The following RBFOX1 variants were observed in gnomAD, a reference collection of about 807,000 sequenced individuals.
RBFOX1 encodes the protein RNA binding protein fox-1 homolog 1.
A neutral mutation model predicts 57.7 loss-of-function variants in RBFOX1; 8 were observed. The ratio of observed to expected loss-of-function variants is 0.14; its 90% confidence interval spans 0.08 to 0.25. The LOEUF (loss-of-function observed/expected upper bound fraction) is 0.25, where lower values mean the gene tolerates loss of function less well. Ranked by LOEUF, RBFOX1 falls within the 10% of genes least tolerant of loss-of-function variation. The pLI is 1.00. For missense variants in RBFOX1, 611 were observed against 548.5 expected (o/e 1.11, Z -1.14); for synonymous variants, 326 against 222.4 (o/e 1.47, Z -4.15).
chr16:5,243,603 C>G (rs2151062557), intron 1 of RBFOX1, among the ~76,000 whole-genome samples: 1 of 152,274 alleles, frequency 6.6e-6, no homozygotes, highest in African/African-American at 2.4e-5. Context: ...CCCCAGATGT[C>G]TCCAGACGGT....
intron 3 of RBFOX1, among the ~76,000 whole-genome samples, chr16:6,810,261 C>T (rs1357052341): frequency 6.6e-6 from 1 of 152,086 alleles, no homozygotes; most frequent in Non-Finnish European, 1.5e-5. Context: ...CTTTTTACCA[C>T]ATTTTGTGAT....
chr16:6,803,358 C>A (rs376297323), intron 3 of RBFOX1, among the ~76,000 whole-genome samples: 2 of 152,102 alleles, frequency 1.3e-5, no homozygotes, highest in Non-Finnish European at 2.9e-5. Context: ...TGCCTCCAGC[C>A]GTACAGAGAA....
intron 1 of RBFOX1, among the ~76,000 whole-genome samples, chr16:5,253,753 C>G (rs2062515354): frequency 6.6e-6 from 1 of 152,232 alleles, no homozygotes; most frequent in Non-Finnish European, 1.5e-5. Context: ...TTCATTTGCT[C>G]TCTCTGGCCT....
intron 1 of RBFOX1, among the ~76,000 whole-genome samples, chr16:5,459,977 A>G (rs906090575): frequency 1.3e-5 from 2 of 152,176 alleles, no homozygotes; most frequent in African/African-American, 4.8e-5. Context: ...CTGCAAAGAC[A>G]TTCCATGGCC....
intron 1 of RBFOX1, among the ~76,000 whole-genome samples, chr16:5,305,956 C>T (rs1032668830): frequency 3.9e-5 from 6 of 152,094 alleles, no homozygotes; most frequent in Non-Finnish European, 7.3e-5. Context: ...CTCAGGAGGC[C>T]GGAGGCAGCA....
chr16:7,562,098 G>A (rs1489338523), intron 5 of RBFOX1, among the ~76,000 whole-genome samples: 1 of 152,206 alleles, frequency 6.6e-6, no homozygotes, highest in Non-Finnish European at 1.5e-5. Flanking sequence ...CTAAGCTAGA[G>A]AACAATGCAG....
chr16:6,904,838 A>G (rs1873119335), intron 3 of RBFOX1, among the ~76,000 whole-genome samples: 1 of 152,080 alleles, frequency 6.6e-6, no homozygotes, highest in African/African-American at 2.4e-5. Flanking sequence ...TTGTTAGAGA[A>G]GAATTGTTTT....
intron 4 of RBFOX1, among the ~76,000 whole-genome samples, chr16:7,185,746 G>T (rs2083596273): frequency 6.6e-6 from 1 of 152,178 alleles, no homozygotes; most frequent in South Asian, 2.1e-4. Context: ...TAAATGTCGA[G>T]ATATTGAATT....
At chr16:7,700,987 T>C (rs1003256198) in intron 14 of RBFOX1, among the ~76,000 whole-genome samples, 1 of 151,680 alleles carries the variant, frequency 6.6e-6, no homozygotes, top group African/African-American at 2.4e-5. Flanking sequence ...CAGGTATCCA[T>C]GGGCAAAAAA....
intron 4 of RBFOX1, among the ~76,000 whole-genome samples, chr16:7,075,259 G>C (rs138173726): frequency 0.01 from 1,544 of 152,290 alleles, 29 homozygotes; most frequent in African/African-American, 0.035. Context: ...GCTCAGTGAT[G>C]ATCAAACCGT....
At chr16:5,979,245 AT>A (rs559096355) in intron 4 of RBFOX1, among the ~76,000 whole-genome samples, 1 of 151,952 alleles carries the variant, frequency 6.6e-6, no homozygotes, top group South Asian at 2.1e-4. Flanking sequence ...GGAATGGAGG[AT>A]TTTTTCTTGA....
chr16:5,351,113 T>G (rs1275553777), intron 1 of RBFOX1, among the ~76,000 whole-genome samples: 2 of 152,330 alleles, frequency 1.3e-5, no homozygotes, highest in Admixed American at 6.5e-5. Context: ...TTGTTAAGGA[T>G]GTGTCTCCCA....
intron 2 of RBFOX1, among the ~76,000 whole-genome samples, chr16:5,484,060 A>C (rs1171368168): frequency 1.3e-5 from 2 of 152,214 alleles, no homozygotes; most frequent in African/African-American, 4.8e-5. Flanking sequence ...AGTCCCAACT[A>C]CTCAGGAAGC....
chr16:5,647,703 A>G (rs1457059631), intron 3 of RBFOX1, among the ~76,000 whole-genome samples: 1 of 152,216 alleles, frequency 6.6e-6, no homozygotes, highest in Admixed American at 6.5e-5. Context: ...CTTAACAATA[A>G]GAACCTGCAA....
intron 3 of RBFOX1, among the ~76,000 whole-genome samples, chr16:6,775,329 C>CAAAAA (rs371277644): frequency 1.3e-4 from 9 of 67,328 alleles, no homozygotes; most frequent in African/African-American, 4.6e-4. Flanking sequence ...GACTCTGTCT[C>CAAAAA]AAAAAAAAAA....
chr16:7,075,877 G>C (rs532253814), intron 4 of RBFOX1, among the ~76,000 whole-genome samples: 65 of 152,110 alleles, frequency 4.3e-4, no homozygotes, highest in African/African-American at 1.5e-3. Context: ...ACCGCGCCCG[G>C]CCTGGGCTTG....
At chr16:6,506,162 G>A (rs765890044) in intron 2 of RBFOX1, among the ~76,000 whole-genome samples, 5 of 152,148 alleles carry the variant, frequency 3.3e-5, no homozygotes, top group South Asian at 2.1e-4. Flanking sequence ...ATTTAGAAGC[G>A]AAGAGTCTTC....
At chr16:6,964,111 C>T (rs559284223) in intron 3 of RBFOX1, among the ~76,000 whole-genome samples, 28 of 152,000 alleles carry the variant, frequency 1.8e-4, no homozygotes, top group Admixed American at 5.9e-4. Context: ...CTCCGCCTCC[C>T]GAATCAAGCG....
chr16:7,240,107 C>T (rs762507628), intron 4 of RBFOX1, among the ~76,000 whole-genome samples: 17 of 152,216 alleles, frequency 1.1e-4, no homozygotes, highest in Admixed American at 5.2e-4. Context: ...GCTGGGATTA[C>T]GGGCACCCGC....
Sources: allele counts gnomAD v4.1 joint callset (sites outside exome capture counted in the v4.1 genomes callset), GRCh38; gene constraint gnomAD v4.1.1; transcripts MANE v1.5; gene names NCBI Gene and HGNC (gene_info 2026-07-23, HGNC 2026-07-21).